Variants in AKAP5 observed in about 807,000 individuals in gnomAD.
AKAP5 encodes the protein A-kinase anchoring protein 5, also known as A-kinase anchor protein 5.
AKAP5 carries 5 observed loss-of-function variants against 13.8 expected under a neutral mutation model. That is an observed-to-expected ratio of 0.36 (90% confidence interval 0.19 to 0.76). The LOEUF is 0.76. Among genes scored for constraint, AKAP5 ranks in the 30% least tolerant of loss-of-function variants. AKAP5 has a pLI of 0.51. For missense variants in AKAP5, 406 were observed against 484.4 expected (o/e 0.84, Z 1.52); for synonymous variants, 148 against 167.2 (o/e 0.89, Z 0.89).
In AKAP5 at chr14:64,474,429, CTG is replaced by C. The variant is rs1421915666; in HGVS notation, c.*4753_*4754del. 1 of 166,936 alleles carries C rather than the reference CTG, an allele frequency of 6.0e-6. No homozygotes were observed. Among genetic ancestry groups the C allele is most frequent in the African/African-American group, 2.4e-5 (1 of 41,402 alleles). 10.3% of individuals were successfully genotyped at this position (166,936 alleles called of 1,614,324 possible). On this transcript the variant is annotated 3_prime_UTR_variant, in exon 2 of 2. Transcript: ENST00000394718. ...TCAGATGATAATATTAAATAGTACT[CTG>C]TAGAAAAAAGGTTTCAAGTTGAATT... is the stretch of plus-strand genomic sequence containing the variant.
chr14:64,469,316 G>T lies in AKAP5; in HGVS notation c.922G>T (p.Asp308Tyr). The T allele has an allele frequency of 6.2e-7, 1 of 1,613,304 alleles. No individual in the cohort carries two copies. Among genetic ancestry groups the T allele is most frequent in the South Asian group, 1.1e-5 (1 of 90,844 alleles). The change falls in exon 2 of 2, where the codon GAT (aspartate) becomes TAT (tyrosine). Residue 308 changes from aspartate (D) to tyrosine (Y), a missense_variant. Coordinates refer to ENST00000394718, the MANE Select transcript of AKAP5 (RefSeq NM_004857.3). ...TGTAGCTGAAGAAACTAAGCCAAAA[G>T]ATACTGAATTGAGCCAAGAATCAGA... The part of the protein sequence containing the change: ...EIVAEETKPK[D>Y]TELSQESDFK...
At position 64,469,046 on chromosome 14, in the gene AKAP5, A is replaced by G. The variant is rs149244663; in HGVS notation, c.652A>G (p.Asn218Asp). The change falls in exon 2 of 2, where the codon AAT becomes GAT. Residue 218 changes from asparagine to aspartate, a missense_variant. Transcript: ENST00000394718. ...KVISVELGLD[N>D]GHSAIQTGTL... ...GATTTCAGTAGAACTTGGATTAGAT[A>G]ATGGGCATTCTGCTATTCAAACGGG... The G allele has an allele frequency of 1.3e-5, 21 of 1,614,058 alleles. No individual in the cohort carries two copies. Among genetic ancestry groups the G allele is most frequent in the Admixed American group, 3.3e-5 (2 of 60,010 alleles).
intron 1 of AKAP5, among the ~76,000 whole-genome samples, chr14:64,466,162 T>C (rs2078610902): frequency 6.6e-6 from 1 of 152,174 alleles, no homozygotes; most frequent in Non-Finnish European, 1.5e-5. Context: ...GACATGAGAC[T>C]TGCAATTCCA....
rs2078632054 is a variant in AKAP5, at chr14:64,468,286, C to G, written c.-109C>G. ...GAGTAAGATGAAAGGTATGAATATGCCTGGAAGAAATTTTACCTAGTGTGA... is the reference window on the plus strand; with the variant it reads ...GAGTAAGATGAAAGGTATGAATATGGCTGGAAGAAATTTTACCTAGTGTGA... On this transcript the variant is annotated 5_prime_UTR_variant, in exon 2 of 2. Transcript: ENST00000394718. 1.9e-6 allele frequency: 2 copies of G among 1,038,764 alleles called. No homozygotes were observed. Among genetic ancestry groups the G allele is most frequent in the East Asian group, 5.3e-5 (2 of 38,092 alleles). The allele number at this position is 1,038,764 out of a possible 1,614,324, so 64.3% of individuals were successfully genotyped here.
Position 64,471,252 on chromosome 14 carries a change from A to AAG in AKAP5, c.*1574_*1575insAG. 2.6e-5 allele frequency: 4 copies of AAG among 153,552 alleles called. No individual in the cohort carries two copies. The highest frequency in any genetic ancestry group is 5.9e-5 in the Non-Finnish European group (4 of 67,786). 9.5% of individuals were successfully genotyped at this position (153,552 alleles called of 1,614,324 possible). On this transcript the variant is annotated 3_prime_UTR_variant, in exon 2 of 2. Coordinates refer to ENST00000394718, the MANE Select transcript of AKAP5 (RefSeq NM_004857.3). ...ACTGCAAGCTCCACCTCCTGGGTTC[A>AAG]CACCATTCTTCTGCCTCAGCCTCCC...
At position 64,471,135 on chromosome 14, in the gene AKAP5, T is replaced by C. The variant is rs1380659125; in HGVS notation, c.*1457T>C. The stretch of plus-strand genomic sequence containing the variant: ...TACATGAATATTGAAAGTTAACTTT[T>C]TCATCACTATTTTCTTTTCTTTTTT... On this transcript the variant is annotated 3_prime_UTR_variant, in exon 2 of 2. Coordinates refer to ENST00000394718, the MANE Select transcript of AKAP5 (RefSeq NM_004857.3). 4 of 166,780 alleles carry C rather than the reference T, an allele frequency of 2.4e-5. No homozygotes were observed. Among genetic ancestry groups the C allele is most frequent in the African/African-American group, 9.6e-5 (4 of 41,500 alleles). The allele number at this position is 166,780 out of a possible 1,614,324, so 10.3% of individuals were successfully genotyped here.
chr14:64,466,307 G>C (rs1326981117), intron 1 of AKAP5, among the ~76,000 whole-genome samples: 1 of 152,208 alleles, frequency 6.6e-6, no homozygotes, highest in Non-Finnish European at 1.5e-5. Context: ...TCCCTCGTTA[G>C]TTAAGTTTCT....
rs2078643327 is a variant in AKAP5 at position 64,469,311 on chromosome 14, C to G, written c.917C>G (p.Pro306Arg). 1.2e-5 allele frequency: 19 copies of G among 1,612,990 alleles called. No individual in the cohort carries two copies. The highest frequency in any genetic ancestry group is 1.6e-5 in the Non-Finnish European group (19 of 1,179,850). ...STEIVAEETK[P>R]KDTELSQESD... Reference sequence around the variant, plus strand: ...GAGATTGTAGCTGAAGAAACTAAGCCAAAAGATACTGAATTGAGCCAAGAA... The same window carrying G: ...GAGATTGTAGCTGAAGAAACTAAGCGAAAAGATACTGAATTGAGCCAAGAA... Residue 306 changes from proline (P) to arginine (R), a missense_variant, in exon 2 of 2, where the codon CCA (proline) becomes CGA (arginine). Pro to Arg is a moderately radical substitution (Grantham distance 103, BLOSUM62 -2). Coordinates refer to ENST00000394718, the MANE Select transcript of AKAP5 (RefSeq NM_004857.3).
In AKAP5 at chr14:64,473,201, G is replaced by A. The variant is rs1259338626; in HGVS notation, c.*3523G>A. 2 of 167,044 alleles carry A rather than the reference G, an allele frequency of 1.2e-5. No homozygotes were observed. The highest frequency in any genetic ancestry group is 3.9e-4 in the East Asian group (2 of 5,188). 10.3% of individuals were successfully genotyped at this position (167,044 alleles called of 1,614,324 possible). A position where few individuals can be genotyped will look rare whatever the true frequency, so the allele number is the denominator to read the frequency against. ...TTATAGGATATAAAAATAGTACCCG[G>A]TAACATTTAAGTAAAGGTAGCAGAA... is the stretch of plus-strand genomic sequence containing the variant. On this transcript the variant is annotated 3_prime_UTR_variant, in exon 2 of 2. Coordinates refer to ENST00000394718, the MANE Select transcript of AKAP5 (RefSeq NM_004857.3).
In AKAP5 at chr14:64,468,563, G is replaced by C; in HGVS notation, c.169G>C (p.Asp57His). The C allele has an allele frequency of 6.2e-7, 1 of 1,614,070 alleles. No individual in the cohort carries two copies. Among genetic ancestry groups the C allele is most frequent in the South Asian group, 1.1e-5 (1 of 91,086 alleles). The change falls in exon 2 of 2, where the codon GAT (aspartate) becomes CAT (histidine). Residue 57 changes from aspartate to histidine, a missense_variant. By Grantham distance (81) the Asp-to-His change is moderately conservative. Coordinates refer to ENST00000394718, the MANE Select transcript of AKAP5 (RefSeq NM_004857.3). ...LKPKAGSEAADVARKCPQEAG... is the reference protein window; with the variant it reads ...LKPKAGSEAAHVARKCPQEAG... ...GCCCAAAGCTGGCTCTGAAGCTGCTGATGTGGCAAGGAAGTGTCCACAAGA... is the reference window on the plus strand; with the variant it reads ...GCCCAAAGCTGGCTCTGAAGCTGCTCATGTGGCAAGGAAGTGTCCACAAGA...
intron 1 of AKAP5, among the ~76,000 whole-genome samples, chr14:64,466,456 T>C (rs2078614569): frequency 6.6e-6 from 1 of 152,214 alleles, no homozygotes; most frequent in Admixed American, 6.5e-5. Context: ...TATGTGGTAA[T>C]ACAGCCTCTG....
At position 64,472,663 on chromosome 14, in the gene AKAP5, A is replaced by G. The variant is rs904577768; in HGVS notation, c.*2985A>G. ...AGGAATTCCGAAATTAACTGGTCTCAATCTGATTATATGTGCTACATGGCC... is the reference window on the plus strand; with the variant it reads ...AGGAATTCCGAAATTAACTGGTCTCGATCTGATTATATGTGCTACATGGCC... On this transcript the variant is annotated 3_prime_UTR_variant, in exon 2 of 2. Transcript: ENST00000394718. The G allele has an allele frequency of 6.0e-6, 1 of 167,034 alleles. No individual in the cohort carries two copies. Among genetic ancestry groups the G allele is most frequent in the Non-Finnish European group, 1.5e-5 (1 of 68,098 alleles). 10.3% of individuals were successfully genotyped at this position (167,034 alleles called of 1,614,324 possible). A position where few individuals can be genotyped will look rare whatever the true frequency, so the allele number is the denominator to read the frequency against.
rs1566586910 is a variant in AKAP5 at position 64,468,574 on chromosome 14, G to C, written c.180G>C (p.Arg60Ser). The C allele has an allele frequency of 1.2e-6, 2 of 1,613,896 alleles. No homozygotes were observed. Among genetic ancestry groups the C allele is most frequent in the African/African-American group, 2.7e-5 (2 of 74,926 alleles). The change falls in exon 2 of 2, where the codon AGG becomes AGC. Residue 60 changes from arginine to serine, a missense_variant. Arg to Ser is a moderately radical substitution (Grantham distance 110). Transcript: ENST00000394718. Reference protein sequence around the residue: ...KAGSEAADVARKCPQEAGASD... With the variant: ...KAGSEAADVASKCPQEAGASD... ...GCTCTGAAGCTGCTGATGTGGCAAG[G>C]AAGTGTCCACAAGAAGCAGGAGCTT...
chr14:64,467,754 A>T (rs894889214), intron 1 of AKAP5: 1 of 152,154 alleles, frequency 6.6e-6, no homozygotes, highest in African/African-American at 2.4e-5. Context: ...GCAGCTTTAA[A>T]ATTATCTATT....
In AKAP5 at chr14:64,472,421, T is replaced by C. The variant is rs2078682575; in HGVS notation, c.*2743T>C. 1.2e-5 allele frequency: 2 copies of C among 167,054 alleles called. No individual in the cohort carries two copies. The highest frequency in any genetic ancestry group is 4.8e-5 in the African/African-American group (2 of 41,452). The allele number at this position is 167,054 out of a possible 1,614,324, so 10.3% of individuals were successfully genotyped here. A position where few individuals can be genotyped will look rare whatever the true frequency, so the allele number is the denominator to read the frequency against. ...GGGGATTTTTAAAAAAACAGATAAA[T>C]GGTAAATATGTGCAATGAATTTTTT... On this transcript the variant is annotated 3_prime_UTR_variant, in exon 2 of 2. Coordinates refer to ENST00000394718, the MANE Select transcript of AKAP5 (RefSeq NM_004857.3).
chr14:64,465,791 C>G (rs552818336), intron 1 of AKAP5, among the ~76,000 whole-genome samples, 178 bp downstream of exon 1: 1 of 152,176 alleles, frequency 6.6e-6, no homozygotes, highest in Non-Finnish European at 1.5e-5. Context: ...GCCAGGGCGA[C>G]CCTCATCAGG....
At position 64,473,632 on chromosome 14, in the gene AKAP5, G is replaced by T. The variant is rs1432113210; in HGVS notation, c.*3954G>T. 6.0e-6 allele frequency: 1 copy of T among 167,032 alleles called. No homozygotes were observed. The highest frequency in any genetic ancestry group is 2.4e-5 in the African/African-American group (1 of 41,444). The allele number at this position is 167,032 out of a possible 1,614,324, so 10.3% of individuals were successfully genotyped here. ...AGAATGTTTTTCGAGGTTTACAACAGAATTTAAAAAATAATTGTTAGGCTT... is the reference window on the plus strand; with the variant it reads ...AGAATGTTTTTCGAGGTTTACAACATAATTTAAAAAATAATTGTTAGGCTT... On this transcript the variant is annotated 3_prime_UTR_variant, in exon 2 of 2. Transcript: ENST00000394718.
chr14:64,468,803 A>G lies in AKAP5; in HGVS notation c.409A>G (p.Lys137Glu), dbSNP rs926486534. Residue 137 changes from lysine (K) to glutamate (E), a missense_variant, in exon 2 of 2, where the codon AAA (lysine) becomes GAA (glutamate). By Grantham distance (56) the Lys-to-Glu change is moderately conservative (BLOSUM62 1). Coordinates refer to ENST00000394718, the MANE Select transcript of AKAP5 (RefSeq NM_004857.3). ...CTGCATAAAATTCCCAAGAGGGCCA[A>G]AAAGGAGTAATCATTCCAAAATTAT... ...IPCIKFPRGPKRSNHSKIIED... is the reference protein window; with the variant it reads ...IPCIKFPRGPERSNHSKIIED... The G allele has an allele frequency of 4.3e-6, 7 of 1,614,200 alleles. No individual in the cohort carries two copies. The highest frequency in any genetic ancestry group is 5.1e-6 in the Non-Finnish European group (6 of 1,180,034).
rs1596593396 is a variant in AKAP5 at position 64,472,467 on chromosome 14, A to G, written c.*2789A>G. The G allele has an allele frequency of 6.0e-6, 1 of 166,940 alleles. No homozygotes were observed. The allele number at this position is 166,940 out of a possible 1,614,324, so 10.3% of individuals were successfully genotyped here. ...TTTTTGGTTAAGAAAGTAAAATTTTATCTAATACTAGGTTTTTACTTTTTT... is the reference window on the plus strand; with the variant it reads ...TTTTTGGTTAAGAAAGTAAAATTTTGTCTAATACTAGGTTTTTACTTTTTT... On this transcript the variant is annotated 3_prime_UTR_variant, in exon 2 of 2. Coordinates refer to ENST00000394718, the MANE Select transcript of AKAP5 (RefSeq NM_004857.3).
Sources: gnomAD v4.1 joint callset for allele counts (sites outside exome capture counted in the v4.1 genomes callset) on GRCh38, gnomAD v4.1.1 for gene constraint, MANE v1.5 for transcripts, NCBI Gene and HGNC (gene_info 2026-07-23, HGNC 2026-07-21) for gene names.